The following ADGB variants were observed in gnomAD, a reference collection of about 807,000 sequenced individuals.
ADGB encodes the protein calpain-7-like protein.
In ADGB, 172 loss-of-function variants were observed where a neutral mutation model predicts 210.5. The observed-to-expected ratio is 0.82, with a 90% CI of 0.72 to 0.93. ADGB has a LOEUF of 0.93. Among genes scored for constraint, ADGB ranks in the 40% least tolerant of loss-of-function variants. ADGB has a pLI of 0.00. For missense variants in ADGB, 2,025 were observed against 1,964.8 expected (o/e 1.03, Z -0.58); for synonymous variants, 658 against 662.7 (o/e 0.99, Z 0.11).
intron 35 of ADGB, among the ~76,000 whole-genome samples, chr6:146,812,358 A>C (rs1420075171): frequency 3.5e-4 from 13 of 37,256 alleles, no homozygotes; most frequent in African/African-American, 7.0e-4. Context: ...GGGGTGCCCA[A>C]AAAAAAATAC....
chr6:146,755,159 A>G (rs1402746641), intron 27 of ADGB, among the ~76,000 whole-genome samples: 1 of 151,978 alleles, frequency 6.6e-6, no homozygotes, highest in African/African-American at 2.4e-5. Context: ...CTTATCACTG[A>G]TTCTTCCTTT....
intron 22 of ADGB, among the ~76,000 whole-genome samples, chr6:146,735,494 A>T (rs570902899): frequency 6.6e-6 from 1 of 152,316 alleles, no homozygotes; most frequent in South Asian, 2.1e-4. Flanking sequence ...TTCGATAATC[A>T]CATTAATTCA....
chr6:146,788,702 C>A, intron 33 of ADGB, 92 bp downstream of exon 33: 1 of 1,136,270 alleles, frequency 8.8e-7, no homozygotes, highest in Non-Finnish European at 1.3e-6. Flanking sequence ...ACGGCTAGGG[C>A]TATAGAAGTA....
chr6:146,677,497 C>G (rs1776101195), intron 9 of ADGB, among the ~76,000 whole-genome samples: 1 of 152,020 alleles, frequency 6.6e-6, no homozygotes, highest in African/African-American at 2.4e-5. Flanking sequence ...AGAAAAAAGT[C>G]ACTATTGTAT....
At chr6:146,771,505 T>TA (rs1239496667) in intron 29 of ADGB, among the ~76,000 whole-genome samples, 4 of 152,214 alleles carry the variant, frequency 2.6e-5, no homozygotes, top group African/African-American at 7.2e-5. Context: ...ACCCTATTCC[T>TA]ACTTCCCCTG....
intron 5 of ADGB, among the ~76,000 whole-genome samples, chr6:146,658,159 G>A (rs1382185097): frequency 6.6e-6 from 1 of 152,126 alleles, no homozygotes; most frequent in African/African-American, 2.4e-5. Context: ...AATTACAATG[G>A]GAAGGGCAAA....
In ADGB at chr6:146,614,482, G is replaced by T. The variant is rs531949918; in HGVS notation, c.74+15368G>T. 1.2e-4 allele frequency among the ~76,000 whole-genome samples: 18 copies of T among 152,132 alleles called. No homozygotes were observed. In the South Asian group the frequency reaches 3.7e-3, roughly 32 times the overall value. On this transcript the variant is annotated intron_variant, in intron 1 of 35. Transcript: ENST00000397944. ...CTGTTTTCTGTCACTTTATTAGTTTGTATTTTCCAGAATTTTATATAAACG... is the reference window on the plus strand; with the variant it reads ...CTGTTTTCTGTCACTTTATTAGTTTTTATTTTCCAGAATTTTATATAAACG...
chr6:146,655,214 C>T (rs559429287), intron 4 of ADGB, among the ~76,000 whole-genome samples: 1 of 152,088 alleles, frequency 6.6e-6, no homozygotes, highest in Non-Finnish European at 1.5e-5. Context: ...GGCTTTTCTC[C>T]TTGAGATCCA....
chr6:146,607,446 G>A (rs1780648046), intron 1 of ADGB, among the ~76,000 whole-genome samples: 1 of 152,152 alleles, frequency 6.6e-6, no homozygotes, highest in African/African-American at 2.4e-5. Flanking sequence ...TAGGAGTGGT[G>A]AGAGTAGGCA....
intron 33 of ADGB, among the ~76,000 whole-genome samples, chr6:146,800,691 TCCACTGGACTACAAGTTTATTGAAGGTA>T (rs1778115846): frequency 6.6e-6 from 1 of 152,178 alleles, no homozygotes; most frequent in Non-Finnish European, 1.5e-5. Context: ...TATTGCCTAC[TCCACTGGACTACAAGTTTATTGAAGGTA>T]AAATACTGTT....
chr6:146,737,367 T>C (rs1298367040), intron 23 of ADGB, among the ~76,000 whole-genome samples: 1 of 152,090 alleles, frequency 6.6e-6, no homozygotes, highest in Non-Finnish European at 1.5e-5. Context: ...AATATGTCAA[T>C]AAAAAGTATC....
In ADGB at chr6:146,654,199, G is replaced by T; in HGVS notation, c.395G>T (p.Cys132Phe). The change falls in exon 4 of 36, where the codon TGC (cysteine) becomes TTC (phenylalanine). Residue 132 changes from cysteine to phenylalanine, a missense_variant. By Grantham distance (205) the Cys-to-Phe change is radical. Transcript: ENST00000397944. The part of the protein sequence containing the change: ...DLFSANEHLL[C>F]SELMRWIISE... ...TTTTCAGCAAATGAACATTTACTCT[G>T]CAGCGAGGTATGTACAGAAATATGA... The T allele has an allele frequency of 6.5e-7, 1 of 1,543,346 alleles. No homozygotes were observed. The highest frequency in any genetic ancestry group is 1.2e-5 in the South Asian group (1 of 83,238).
At chr6:146,623,299 T>A (rs558707195) in intron 1 of ADGB, among the ~76,000 whole-genome samples, 16 of 152,082 alleles carry the variant, frequency 1.1e-4, no homozygotes, top group Non-Finnish European at 2.2e-4. Flanking sequence ...CTATATTGAA[T>A]CTTTCAACAT....
intron 9 of ADGB, among the ~76,000 whole-genome samples, chr6:146,684,774 G>A (rs1333237438): frequency 6.6e-6 from 1 of 151,908 alleles, no homozygotes; most frequent in Non-Finnish European, 1.5e-5. Context: ...CAGCGTCTGT[G>A]GACATTAGAT....
chr6:146,751,316 C>CT (rs1351578378), intron 26 of ADGB, among the ~76,000 whole-genome samples: 1 of 152,002 alleles, frequency 6.6e-6, no homozygotes, highest in Non-Finnish European at 1.5e-5. Context: ...GATCTCATTC[C>CT]TTTTTATGGC....
chr6:146,764,078 A>G lies in ADGB; in HGVS notation c.3728A>G (p.Asp1243Gly). Residue 1243 changes from aspartate to glycine, a missense_variant, in exon 28 of 36, where the codon GAC becomes GGC. Physicochemically the swap from Asp to Gly is moderately conservative, Grantham distance 94. Coordinates refer to ENST00000397944, the MANE Select transcript of ADGB (RefSeq NM_024694.4). The part of the protein sequence containing the change: ...EETTSTPTRE[D>G]SSSTPLQNYK... ...ACTACCAGTACACCCACTAGAGAAG[A>G]CAGTTCCAGCACACCACTGCAGGTA... 1.3e-6 allele frequency: 2 copies of G among 1,549,764 alleles called. No homozygotes were observed. Among genetic ancestry groups the G allele is most frequent in the Non-Finnish European group, 1.7e-6 (2 of 1,146,106 alleles).
chr6:146,626,361 C>A (rs1780972202), intron 1 of ADGB, among the ~76,000 whole-genome samples: 1 of 151,760 alleles, frequency 6.6e-6, no homozygotes, highest in African/African-American at 2.4e-5. Context: ...GTAAAATTAT[C>A]TTTATTTGTT....
chr6:146,667,593 A>G (rs558132236), intron 7 of ADGB, among the ~76,000 whole-genome samples: 9 of 152,134 alleles, frequency 5.9e-5, no homozygotes, highest in Admixed American at 2.6e-4. Flanking sequence ...TATATATACT[A>G]TGAATTTAAT....
intron 9 of ADGB, among the ~76,000 whole-genome samples, chr6:146,678,492 G>T (rs1315123101): frequency 6.6e-6 from 1 of 152,156 alleles, no homozygotes; most frequent in Non-Finnish European, 1.5e-5. Flanking sequence ...CTCCCAAAGT[G>T]CTGGGACTAT....
Sources: allele counts gnomAD v4.1 joint callset (sites outside exome capture counted in the v4.1 genomes callset), GRCh38; gene constraint gnomAD v4.1.1; transcripts MANE v1.5; gene names NCBI Gene and HGNC (gene_info 2026-07-23, HGNC 2026-07-21).